TMED10: variants seen among roughly 807,000 people sequenced by gnomAD.
The protein encoded by TMED10 is transmembrane emp24 domain-containing protein 10.
Under a neutral mutation model 23.1 loss-of-function variants are expected in TMED10, and 7 were observed. The ratio of observed to expected loss-of-function variants is 0.30; its 90% confidence interval spans 0.17 to 0.57. TMED10 has a LOEUF of 0.57. Among genes scored for constraint, TMED10 ranks in the 20% least tolerant of loss-of-function variants. The pLI is 0.91. For missense variants in TMED10, 162 were observed against 274.8 expected (o/e 0.59, Z 2.90); for synonymous variants, 113 against 106.9 (o/e 1.06, Z -0.35).
At chr14:75,164,115 G>T (rs1896119207) in intron 1 of TMED10, among the ~76,000 whole-genome samples, 1 of 151,816 alleles carries the variant, frequency 6.6e-6, no homozygotes, top group South Asian at 2.1e-4. Flanking sequence ...GTAAAGGCTG[G>T]AGTGAAGTGG....
chr14:75,171,361 T>A (rs1243515482), intron 1 of TMED10, among the ~76,000 whole-genome samples: 3 of 150,886 alleles, frequency 2.0e-5, no homozygotes, highest in Non-Finnish European at 3.0e-5. Context: ...CTCACTACAA[T>A]CTCCGCCTCC....
intron 2 of TMED10, among the ~76,000 whole-genome samples, chr14:75,150,404 A>G (rs923482771): frequency 6.6e-6 from 1 of 152,220 alleles, no homozygotes; most frequent in Non-Finnish European, 1.5e-5. Flanking sequence ...CCAAATGATC[A>G]GGATATCTTC....
rs898386811 is a variant in TMED10, at chr14:75,134,919, C to T, written c.626G>A (p.Arg209Gln). Residue 209 changes from arginine (R) to glutamine (Q), a missense_variant, in exon 5 of 5, where the codon CGA (arginine) becomes CAA (glutamine). Transcript: ENST00000303575. ...CAATTTCTTGGCCTTGAAGAAGCGTCGCAGGTAGAAGACCTGCCAGGTAGC... is the reference window on the plus strand; with the variant it reads ...CAATTTCTTGGCCTTGAAGAAGCGTTGCAGGTAGAAGACCTGCCAGGTAGC... ...GLATWQVFYL[R>Q]RFFKAKKLIE is the part of the protein sequence containing the mutation. 10 of 1,613,788 alleles carry T rather than the reference C, an allele frequency of 6.2e-6. No individual in the cohort carries two copies. Among genetic ancestry groups the T allele is most frequent in the Non-Finnish European group, 6.8e-6 (8 of 1,179,950 alleles).
At chr14:75,163,946 A>G (rs1339824409) in intron 1 of TMED10, among the ~76,000 whole-genome samples, 1 of 152,082 alleles carries the variant, frequency 6.6e-6, no homozygotes, top group Non-Finnish European at 1.5e-5. Context: ...TAAATGTTAT[A>G]CAGGTAAACT....
chr14:75,142,196 T>C (rs1005317842), intron 3 of TMED10, among the ~76,000 whole-genome samples: 6 of 152,202 alleles, frequency 3.9e-5, no homozygotes, highest in African/African-American at 1.2e-4. Flanking sequence ...GGTTCTCCAA[T>C]AGGGGGTGAT....
chr14:75,147,425 C>T (rs1895900177), intron 3 of TMED10: 1 of 535,460 alleles, frequency 1.9e-6, no homozygotes, highest in African/African-American at 1.9e-5. Context: ...AACTCCTGAC[C>T]TCAGGCGATC....
Position 75,131,945 on chromosome 14 carries a change from C to T in TMED10, c.*2940G>A, listed in dbSNP as rs1212519785. On this transcript the variant is annotated 3_prime_UTR_variant, in exon 5 of 5. Coordinates refer to ENST00000303575, the MANE Select transcript of TMED10 (RefSeq NM_006827.6). ...TCAACGAAATAAAATATTCTCTTCT[C>T]CTATCTTCTTGACATTTTGTCACAT... The T allele has an allele frequency of 6.6e-6, 1 of 152,248 alleles. No homozygotes were observed. The highest frequency in any genetic ancestry group is 1.5e-5 in the Non-Finnish European group (1 of 68,038). 9.4% of individuals were successfully genotyped at this position (152,248 alleles called of 1,614,324 possible). A position where few individuals can be genotyped will look rare whatever the true frequency, so the allele number is the denominator to read the frequency against.
Position 75,134,635 on chromosome 14 carries a change from T to C in TMED10, c.*250A>G. ...TCTAGGTAACCCCTATTTTTTGTCA[T>C]AGGTGACTCTAATAATAGACCTATT... is the stretch of plus-strand genomic sequence containing the variant. On this transcript the variant is annotated 3_prime_UTR_variant, in exon 5 of 5. Transcript: ENST00000303575. 1 of 408,048 alleles carries C rather than the reference T, an allele frequency of 2.5e-6. No homozygotes were observed. The highest frequency in any genetic ancestry group is 4.5e-6 in the Non-Finnish European group (1 of 220,058). 25.3% of individuals were successfully genotyped at this position (408,048 alleles called of 1,614,324 possible). A position where few individuals can be genotyped will look rare whatever the true frequency, so the allele number is the denominator to read the frequency against.
chr14:75,152,890 C>A (rs535406067), intron 1 of TMED10, among the ~76,000 whole-genome samples: 2 of 152,100 alleles, frequency 1.3e-5, no homozygotes, highest in African/African-American at 4.8e-5. Context: ...GAGGCCGAGG[C>A]GGATGGATCA....
intron 1 of TMED10, among the ~76,000 whole-genome samples, chr14:75,162,700 G>A (rs1896099578): frequency 6.6e-6 from 1 of 152,028 alleles, no homozygotes; most frequent in African/African-American, 2.4e-5. Flanking sequence ...GAAGAAACCT[G>A]ACAAACACTA....
intron 1 of TMED10, among the ~76,000 whole-genome samples, chr14:75,162,073 T>C (rs1415138310): frequency 6.6e-6 from 1 of 152,106 alleles, no homozygotes; most frequent in Non-Finnish European, 1.5e-5. Flanking sequence ...AAGACCAGCC[T>C]GGCCAACATG....
intron 3 of TMED10, among the ~76,000 whole-genome samples, chr14:75,138,226 TAAAA>T (rs1566668795): frequency 6.6e-6 from 1 of 152,212 alleles, no homozygotes; most frequent in Non-Finnish European, 1.5e-5. Context: ...TTATTTAAAA[TAAAA>T]CAAACTGCTG....
chr14:75,169,733 G>C (rs933998727), intron 1 of TMED10, among the ~76,000 whole-genome samples: 21 of 152,216 alleles, frequency 1.4e-4, no homozygotes, highest in African/African-American at 5.1e-4. Context: ...CCAGTCTCCA[G>C]TTCTCCTCCT....
At chr14:75,175,088 A>C (rs1440295534) in intron 1 of TMED10, among the ~76,000 whole-genome samples, 1 of 151,902 alleles carries the variant, frequency 6.6e-6, no homozygotes, top group Non-Finnish European at 1.5e-5. Flanking sequence ...TATTTAGTAT[A>C]ACAAAAGCCC....
intron 1 of TMED10, among the ~76,000 whole-genome samples, chr14:75,175,768 T>C (rs1237823646): frequency 6.6e-6 from 1 of 151,962 alleles, no homozygotes; most frequent in Non-Finnish European, 1.5e-5. Context: ...AAAAAGAATC[T>C]ATTCCATCTG....
chr14:75,156,674 G>A (rs1389386834), intron 1 of TMED10, among the ~76,000 whole-genome samples: 1 of 152,020 alleles, frequency 6.6e-6, no homozygotes, highest in African/African-American at 2.4e-5. Flanking sequence ...GGCCGGGCAC[G>A]GTGGCTCACA....
intron 3 of TMED10, among the ~76,000 whole-genome samples, chr14:75,138,680 TTA>T (rs1187720646): frequency 6.6e-6 from 1 of 152,194 alleles, no homozygotes; most frequent in East Asian, 1.9e-4. Context: ...TAGAGATAAA[TTA>T]TTTAAAGTTC....
rs554042873 is a variant in TMED10, at chr14:75,149,769, A to G, written c.338-2032T>C. On this transcript the variant is annotated intron_variant, in intron 2 of 4. Coordinates refer to ENST00000303575, the MANE Select transcript of TMED10 (RefSeq NM_006827.6). ...GACGGCAAAGCATGAGCAAAGGCTC[A>G]GATATTAAAATCGGAGTATGGCATG... Among the ~76,000 whole-genome samples the G allele has an allele frequency of 3.3e-5, 5 of 152,376 alleles. No individual in the cohort carries two copies. The South Asian group carries it at 1.0e-3, about 32-fold the overall frequency.
At chr14:75,167,635 G>T (rs187387320) in intron 1 of TMED10, among the ~76,000 whole-genome samples, 65 of 152,244 alleles carry the variant, frequency 4.3e-4, no homozygotes, top group African/African-American at 1.5e-3. Flanking sequence ...CTCTTTAAGG[G>T]ATCTGTTTGG....
Sources: gnomAD v4.1 joint callset for allele counts (sites outside exome capture counted in the v4.1 genomes callset) on GRCh38, gnomAD v4.1.1 for gene constraint, MANE v1.5 for transcripts, NCBI Gene and HGNC (gene_info 2026-07-23, HGNC 2026-07-21) for gene names.